OLR1: variants seen among roughly 807,000 people sequenced by gnomAD.
OLR1 encodes the protein oxidized low density lipoprotein receptor 1.
In OLR1, 23 loss-of-function variants were observed where a neutral mutation model predicts 31.7. The observed-to-expected ratio is 0.72, with a 90% confidence interval of 0.52 to 1.03. The LOEUF (loss-of-function observed/expected upper bound fraction) is 1.03, where lower values mean the gene tolerates loss of function less well. OLR1 is among the 50% of genes least tolerant of loss of function. The probability of loss-of-function intolerance (pLI) is 0.00; values close to 1 mark genes in which losing one functional copy is unlikely to be tolerated. For synonymous variants in OLR1, 117 were observed against 115.8 expected (o/e 1.01, Z -0.07); for missense variants, 286 against 315.7 (o/e 0.91, Z 0.71).
intron 3 of OLR1, among the ~76,000 whole-genome samples, chr12:10,162,288 T>C (rs1193264320): frequency 2.0e-5 from 3 of 152,166 alleles, no homozygotes; most frequent in Admixed American, 6.5e-5. Flanking sequence ...AGCATTTTAA[T>C]TTCATTCTCA....
At chr12:10,174,982 A>G (rs1275338575), upstream of OLR1, among the ~76,000 whole-genome samples, 1 of 152,144 alleles carries the variant, frequency 6.6e-6, no homozygotes, top group African/African-American at 2.4e-5. Flanking sequence ...TTATTTATCC[A>G]TTGATGGACG....
chr12:10,172,512 C>T (rs1045688528), upstream of OLR1: 1 of 159,914 alleles, frequency 6.3e-6, no homozygotes, highest in Non-Finnish European at 1.4e-5. Flanking sequence ...CAGACTGTTT[C>T]TATATGGTGT....
intron 1 of OLR1, among the ~76,000 whole-genome samples, chr12:10,169,442 G>A (rs371296681): frequency 2.0e-5 from 3 of 152,256 alleles, no homozygotes; most frequent in East Asian, 1.9e-4. Context: ...GCCAGGATTC[G>A]ATACCAGATA....
At chr12:10,164,442 A>G (rs1948644704) in intron 3 of OLR1, among the ~76,000 whole-genome samples, 1 of 152,234 alleles carries the variant, frequency 6.6e-6, no homozygotes, top group African/African-American at 2.4e-5. Flanking sequence ...ATTACTTTTT[A>G]TTATCATTTC....
rs1948598889 is a variant in OLR1, at chr12:10,159,216, G to A, written c.*664C>T. ...TAACTGATTCAGGAAGTGGTAACAG[G>A]TTGTGGATTAGCTTACAGAAAAGAC... On this transcript the variant is annotated 3_prime_UTR_variant, in exon 6 of 6. Transcript: ENST00000309539. 1 of 152,004 alleles carries A rather than the reference G, an allele frequency of 6.6e-6. No homozygotes were observed. The highest frequency in any genetic ancestry group is 2.1e-4 in the South Asian group (1 of 4,832). The allele number at this position is 152,004 out of a possible 1,614,324, so 9.4% of individuals were successfully genotyped here.
At position 10,161,736 on chromosome 12, in the gene OLR1, A is replaced by G. The variant is rs569367764; in HGVS notation, c.425-811T>C. On this transcript the variant is annotated intron_variant, in intron 3 of 5. Coordinates refer to ENST00000309539, the MANE Select transcript of OLR1 (RefSeq NM_002543.4). ...TTGCATTAAGATGTACTATAAGTGT[A>G]AAACACACAAAAGATTTTGAAAACT... is the stretch of plus-strand genomic sequence containing the variant. Among the ~76,000 whole-genome samples, 4 of 152,280 alleles carry G rather than the reference A, an allele frequency of 2.6e-5. No individual in the cohort carries two copies. The South Asian group carries it at 8.3e-4, about 32-fold the overall frequency.
At chr12:10,169,846 A>G (rs1948695454) in intron 1 of OLR1, among the ~76,000 whole-genome samples, 1 of 152,070 alleles carries the variant, frequency 6.6e-6, no homozygotes, top group Admixed American at 6.6e-5. Flanking sequence ...TGATTTTACA[A>G]GAGAAATATT....
intron 1 of OLR1, among the ~76,000 whole-genome samples, chr12:10,169,920 C>T (rs1363904003): frequency 9.7e-6 from 1 of 103,228 alleles, no homozygotes; most frequent in African/African-American, 4.5e-5. Context: ...TGTGTTCCAC[C>T]ACTAAAAAAA....
chr12:10,167,079 A>T, intron 2 of OLR1, 122 bp from the exon 3 acceptor site: 1 of 893,794 alleles, frequency 1.1e-6, no homozygotes, highest in South Asian at 1.7e-5. Flanking sequence ...CTGAAAAATG[A>T]CCCAGATTTA....
upstream of OLR1, among the ~76,000 whole-genome samples, chr12:10,174,359 G>A (rs1350333182): frequency 6.6e-6 from 1 of 152,186 alleles, no homozygotes; most frequent in African/African-American, 2.4e-5. Context: ...CACCGTGCTG[G>A]CCTTCTGTGT....
Position 10,160,915 on chromosome 12 carries a change from C to T in OLR1, c.435G>A (p.Pro145=), listed in dbSNP as rs763279630. The T allele has an allele frequency of 1.8e-4, 292 of 1,613,816 alleles. 1 individual carries two copies. The highest frequency in any genetic ancestry group is 5.6e-4 in the South Asian group (51 of 91,078). The change falls in exon 4 of 6, where the codon CCG becomes CCA. Residue 145 remains proline (P), a synonymous_variant. Transcript: ENST00000309539. ...TTTCTCCATGCCAGATCCAGTCTTG[C>T]GGACAAGGAGCTGGGAAGGATAGTA... ...KRVANCSAPC[P]QDWIWHGENC...
intron 2 of OLR1, among the ~76,000 whole-genome samples, chr12:10,168,226 T>C (rs1948678421): frequency 6.6e-6 from 1 of 152,176 alleles, no homozygotes; most frequent in African/African-American, 2.4e-5. Context: ...TTTCACTTCT[T>C]TTTTTCCCTC....
chr12:10,164,658 C>T (rs933563998), intron 3 of OLR1, among the ~76,000 whole-genome samples: 13 of 152,174 alleles, frequency 8.5e-5, no homozygotes, highest in Admixed American at 2.6e-4. Context: ...TCCAAGGAAA[C>T]AAAGTACCTC....
chr12:10,164,635 T>C (rs1042649274), intron 3 of OLR1, among the ~76,000 whole-genome samples: 1 of 152,204 alleles, frequency 6.6e-6, no homozygotes, highest in Non-Finnish European at 1.5e-5. Flanking sequence ...AATAGGGCAC[T>C]AATTTACGCA....
intron 1 of OLR1, chr12:10,170,643 C>G (rs1948706851): frequency 6.6e-6 from 1 of 152,064 alleles, no homozygotes; most frequent in African/African-American, 2.4e-5. Context: ...AGCCGCGCAC[C>G]ACCACAGCAG....
intron 3 of OLR1, among the ~76,000 whole-genome samples, chr12:10,163,630 A>G (rs1189897048): frequency 6.6e-6 from 1 of 151,040 alleles, no homozygotes; most frequent in Non-Finnish European, 1.5e-5. Context: ...CTTTTTAAAG[A>G]CTTCTCAAAG....
At position 10,169,096 on chromosome 12, in the gene OLR1, G is replaced by T. The variant is rs1227407057; in HGVS notation, c.156C>A (p.Thr52=). 1 of 1,612,910 alleles carries T rather than the reference G, an allele frequency of 6.2e-7. No individual in the cohort carries two copies. The highest frequency in any genetic ancestry group is 1.7e-5 in the Admixed American group (1 of 59,734). The change falls in exon 2 of 6, where the codon ACC becomes ACA. Residue 52 remains threonine, a synonymous_variant. Coordinates refer to ENST00000309539, the MANE Select transcript of OLR1 (RefSeq NM_002543.4). Reference sequence around the variant, plus strand: ...TACATTGCATGCCCAGCACCATAATGGTCACTACTAATCCCAGGCAAAGGA... The same window carrying T: ...TACATTGCATGCCCAGCACCATAATTGTCACTACTAATCCCAGGCAAAGGA... ...LGVLCLGLVV[T]IMVLGMQLSQ...
upstream of OLR1, among the ~76,000 whole-genome samples, chr12:10,173,021 T>G (rs550761119): frequency 7.2e-5 from 11 of 152,266 alleles, no homozygotes; most frequent in African/African-American, 2.6e-4. Context: ...TGGAGCATAA[T>G]AAGAAGCCAA....
chr12:10,160,319 G>T, intron 5 of OLR1, 28 bp downstream of exon 5: 1 of 1,537,474 alleles, frequency 6.5e-7, no homozygotes, highest in Non-Finnish European at 9.0e-7. Flanking sequence ...ACTGACGAGA[G>T]AGGCATCAAA....
Sources: gnomAD v4.1 joint callset for allele counts (sites outside exome capture counted in the v4.1 genomes callset) on GRCh38, gnomAD v4.1.1 for gene constraint, MANE v1.5 for transcripts, NCBI Gene and HGNC (gene_info 2026-07-23, HGNC 2026-07-21) for gene names.